The following SMYD3 variants were observed in gnomAD, a reference collection of about 807,000 sequenced individuals.
The protein encoded by SMYD3 is SET and MYND domain containing 3, also known as histone-lysine N-methyltransferase SMYD3.
A neutral mutation model predicts 57.7 loss-of-function variants in SMYD3; 36 were observed. The observed-to-expected ratio is 0.62, with a 90% confidence interval of 0.48 to 0.82. The LOEUF (loss-of-function observed/expected upper bound fraction) is 0.82. Among genes scored for constraint, SMYD3 ranks in the 40% least tolerant of loss-of-function variants. SMYD3 has a pLI of 0.00. For synonymous variants in SMYD3, 211 were observed against 195.0 expected (o/e 1.08, Z -0.68); for missense variants, 515 against 538.8 (o/e 0.96, Z 0.44).
At chr1:246,046,005 G>C (rs1162378854) in intron 5 of SMYD3, among the ~76,000 whole-genome samples, 2 of 152,174 alleles carry the variant, frequency 1.3e-5, no homozygotes, top group Non-Finnish European at 2.9e-5. Context: ...GGAGAAATAG[G>C]AACACTTTTA....
chr1:246,104,291 T>G (rs2061076140), intron 5 of SMYD3, among the ~76,000 whole-genome samples: 1 of 152,230 alleles, frequency 6.6e-6, no homozygotes. Flanking sequence ...CATAAAATAC[T>G]TTGAAAACAT....
chr1:246,380,428 A>C (rs1446933032), intron 1 of SMYD3, among the ~76,000 whole-genome samples: 2 of 152,252 alleles, frequency 1.3e-5, no homozygotes, highest in Admixed American at 1.3e-4. Flanking sequence ...CCCCCAGAGA[A>C]AATGAGAAAG....
At chr1:246,315,340 A>AT (rs1297465799) in intron 5 of SMYD3, among the ~76,000 whole-genome samples, 1 of 152,232 alleles carries the variant, frequency 6.6e-6, no homozygotes, top group Non-Finnish European at 1.5e-5. Flanking sequence ...GTGACTACTG[A>AT]TTTTACAAAA....
At chr1:246,277,044 T>G (rs1033241993) in intron 5 of SMYD3, among the ~76,000 whole-genome samples, 2 of 152,242 alleles carry the variant, frequency 1.3e-5, no homozygotes, top group African/African-American at 2.4e-5. Context: ...AATATGGAGA[T>G]GTACATATAA....
chr1:246,075,169 C>T (rs996901676), intron 5 of SMYD3, among the ~76,000 whole-genome samples: 17 of 151,834 alleles, frequency 1.1e-4, no homozygotes, highest in African/African-American at 3.6e-4. Context: ...CAAGAAAAGA[C>T]AGGAAAATAT....
At chr1:246,082,043 T>C (rs1158625510) in intron 5 of SMYD3, among the ~76,000 whole-genome samples, 2 of 152,222 alleles carry the variant, frequency 1.3e-5, no homozygotes, top group African/African-American at 4.8e-5. Context: ...ATCTTGCTTC[T>C]AGTCTCACAG....
intron 5 of SMYD3, among the ~76,000 whole-genome samples, chr1:246,318,092 C>T (rs1238460409): frequency 6.6e-6 from 1 of 152,126 alleles, no homozygotes; most frequent in African/African-American, 2.4e-5. Context: ...TTTAAAAATA[C>T]ATTATCTGGG....
At chr1:246,084,690 T>C (rs1490025818) in intron 5 of SMYD3, among the ~76,000 whole-genome samples, 1 of 152,212 alleles carries the variant, frequency 6.6e-6, no homozygotes. Flanking sequence ...CTCTGAAAAA[T>C]ATATTTTGAT....
chr1:245,883,814 G>A (rs1429452788), intron 8 of SMYD3, among the ~76,000 whole-genome samples: 1 of 152,120 alleles, frequency 6.6e-6, no homozygotes, highest in African/African-American at 2.4e-5. Flanking sequence ...ACTTCTTCTA[G>A]GCTATTGAGT....
At chr1:246,432,043 G>A (rs2067303054) in intron 1 of SMYD3, among the ~76,000 whole-genome samples, 1 of 152,140 alleles carries the variant, frequency 6.6e-6, no homozygotes, top group African/African-American at 2.4e-5. Context: ...AAATCTCACT[G>A]AATAATTGCA....
chr1:245,934,945 T>C (rs2056918127), intron 5 of SMYD3, among the ~76,000 whole-genome samples: 1 of 152,216 alleles, frequency 6.6e-6, no homozygotes, highest in South Asian at 2.1e-4. Flanking sequence ...CAGTTTGACA[T>C]TATAGTTTTC....
At chr1:245,805,724 C>A (rs910568851) in intron 10 of SMYD3, among the ~76,000 whole-genome samples, 1 of 151,904 alleles carries the variant, frequency 6.6e-6, no homozygotes, top group Non-Finnish European at 1.5e-5. Context: ...TGGCTCCAGG[C>A]AATCAAAAGA....
chr1:246,082,550 T>C (rs961052154), intron 5 of SMYD3, among the ~76,000 whole-genome samples: 1 of 152,098 alleles, frequency 6.6e-6, no homozygotes, highest in African/African-American at 2.4e-5. Flanking sequence ...CGCCAAACTG[T>C]CCATAAAAAC....
chr1:245,993,579 A>AAGATAGATAGATAGAT (rs1210624302), intron 5 of SMYD3, among the ~76,000 whole-genome samples: 12 of 30,138 alleles, frequency 4.0e-4, no homozygotes, highest in East Asian at 4.0e-4. Flanking sequence ...AAAAAAAAAA[A>AAGATAGATAGATAGAT]AGATAGATAG....
At chr1:246,352,778 C>T (rs1171454443) in intron 2 of SMYD3, among the ~76,000 whole-genome samples, 1 of 152,138 alleles carries the variant, frequency 6.6e-6, no homozygotes, top group Non-Finnish European at 1.5e-5. Context: ...CTTTTCTCTT[C>T]CCTGAGTGTA....
intron 1 of SMYD3, among the ~76,000 whole-genome samples, chr1:246,491,852 C>T (rs1322923692): frequency 6.6e-6 from 1 of 152,122 alleles, no homozygotes; most frequent in Non-Finnish European, 1.5e-5. Context: ...GAACATGGAC[C>T]TCAGACAAGG....
intron 5 of SMYD3, among the ~76,000 whole-genome samples, chr1:246,293,076 T>C (rs1419523423): frequency 1.3e-5 from 2 of 151,980 alleles, no homozygotes; most frequent in African/African-American, 2.4e-5. Context: ...TCATGTATGA[T>C]GCTATTCCAT....
At chr1:245,856,437 C>T (rs1012474908) in intron 10 of SMYD3, among the ~76,000 whole-genome samples, 2 of 152,322 alleles carry the variant, frequency 1.3e-5, no homozygotes, top group South Asian at 2.1e-4. Flanking sequence ...GAACACAGCA[C>T]ACACTTAAAG....
chr1:246,029,346 T>G (rs566188865), intron 5 of SMYD3, among the ~76,000 whole-genome samples: 40 of 152,124 alleles, frequency 2.6e-4, no homozygotes, highest in African/African-American at 8.4e-4. Context: ...AGTTAAAAAG[T>G]GGGCAAATGA....
Sources: gnomAD v4.1 joint callset for allele counts (sites outside exome capture counted in the v4.1 genomes callset) on GRCh38, gnomAD v4.1.1 for gene constraint, MANE v1.5 for transcripts, NCBI Gene and HGNC (gene_info 2026-07-23, HGNC 2026-07-21) for gene names.